The following RAB8A variants were observed in gnomAD, a reference collection of about 807,000 sequenced individuals.
RAB8A encodes the protein RAB8A, member RAS oncogene family.
Under a neutral mutation model 29.2 loss-of-function variants are expected in RAB8A, and 5 were observed. The ratio of observed to expected loss-of-function variants is 0.17; its 90% CI spans 0.09 to 0.36. The LOEUF (loss-of-function observed/expected upper bound fraction) is 0.36, where lower values mean the gene tolerates loss of function less well. Among genes scored for constraint, RAB8A ranks in the 10% least tolerant of loss-of-function variants. RAB8A has a pLI of 1.00. For synonymous variants in RAB8A, 108 were observed against 99.9 expected (o/e 1.08, Z -0.49); for missense variants, 171 against 272.2 (o/e 0.63, Z 2.62).
chr19:16,127,819 C>G lies in RAB8A; in HGVS notation c.415-207C>G. The G allele has an allele frequency of 4.7e-6, 3 of 636,124 alleles. No individual in the cohort carries two copies. Among genetic ancestry groups the G allele is most frequent in the Non-Finnish European group, 5.7e-6 (2 of 353,798 alleles). 39.4% of individuals were successfully genotyped at this position (636,124 alleles called of 1,614,324 possible). ...CCCCGCCACCCTCCCATCTCAGCTG[C>G]CATCCCCAGCAACTCCATGCCCTGT... is the stretch of plus-strand genomic sequence containing the variant. On this transcript the variant is annotated intron_variant, in intron 5 of 7. Transcript: ENST00000300935. This position sits in a 1 kb window ranked among gnomAD's most constrained non-coding sequence, Gnocchi z 4.8.
chr19:16,125,903 G>A lies in RAB8A; in HGVS notation c.324+356G>A, dbSNP rs2090898868. The A allele has an allele frequency of 2.5e-6, 1 of 398,238 alleles. No individual in the cohort carries two copies. The highest frequency in any genetic ancestry group is 2.1e-5 in the South Asian group (1 of 46,978). 24.7% of individuals were successfully genotyped at this position (398,238 alleles called of 1,614,324 possible). On this transcript the variant is annotated intron_variant, in intron 4 of 7. Transcript: ENST00000300935. This position sits in a 1 kb window ranked among gnomAD's most constrained non-coding sequence, Gnocchi z 5.0. ...ACAGGTGTGACCCTTGTAGTTGGAG[G>A]GTGTGGTGAGCAGGCGTCAGTTGTA...
At chr19:16,120,022 A>G (rs1438351782) in intron 2 of RAB8A, among the ~76,000 whole-genome samples, 2 of 152,124 alleles carry the variant, frequency 1.3e-5, no homozygotes, top group African/African-American at 2.4e-5. Context: ...CATGTTGGCC[A>G]GGTTGGCTTC....
chr19:16,125,638 CACAT>C lies in RAB8A; in HGVS notation c.324+95_324+98del, dbSNP rs1486519578. 1.5e-5 allele frequency: 18 copies of C among 1,219,806 alleles called. No individual in the cohort carries two copies. The highest frequency in any genetic ancestry group is 2.0e-5 in the Non-Finnish European group (17 of 841,974). 75.6% of individuals were successfully genotyped at this position (1,219,806 alleles called of 1,614,324 possible). A position where few individuals can be genotyped will look rare whatever the true frequency, so the allele number is the denominator to read the frequency against. On this transcript the variant is annotated intron_variant, in intron 4 of 7. Transcript: ENST00000300935. This position sits in a 1 kb window ranked among gnomAD's most constrained non-coding sequence, Gnocchi z 5.0. ...TCATGAGAAGGCCAAGGTGCAGAGA[CACAT>C]ACAGGCCACTTGCCCACAGCCTCCT...
At chr19:16,131,286 G>T (rs1301450588) in intron 7 of RAB8A, among the ~76,000 whole-genome samples, 1 of 152,198 alleles carries the variant, frequency 6.6e-6, no homozygotes, top group Non-Finnish European at 1.5e-5. Context: ...GTATATAGCA[G>T]ATGGAAAATA....
intron 1 of RAB8A, among the ~76,000 whole-genome samples, chr19:16,116,940 C>G (rs544033793): frequency 2.0e-5 from 3 of 151,920 alleles, no homozygotes; most frequent in East Asian, 1.9e-4. Flanking sequence ...CCCCATGTGC[C>G]CCCCCAGCCC....
In RAB8A at chr19:16,126,158, G is replaced by T. The variant is rs555572118; in HGVS notation, c.324+611G>T. The T allele has an allele frequency of 9.3e-4, 167 of 178,882 alleles. No individual in the cohort carries two copies. In the Middle Eastern group the frequency reaches 0.011, roughly 12 times the overall value. The allele number at this position is 178,882 out of a possible 1,614,324, so 11.1% of individuals were successfully genotyped here. The stretch of plus-strand genomic sequence containing the variant: ...GCTTCAGGTCTGAGGCACAGCCAGA[G>T]AACTTTTCCCATCTATAAAACCACA... On this transcript the variant is annotated intron_variant, in intron 4 of 7. Transcript: ENST00000300935.
rs555246660 is a variant in RAB8A, at chr19:16,116,815, A to G, written c.125-1411A>G. On this transcript the variant is annotated intron_variant, in intron 1 of 7. Coordinates refer to ENST00000300935, the MANE Select transcript of RAB8A (RefSeq NM_005370.5). ...GCACCACTGCACTCCAGGCTAGCCA[A>G]GATCGCACCACTGCACTCCAGGCTA... Among the ~76,000 whole-genome samples the G allele has an allele frequency of 4.6e-5, 7 of 151,802 alleles. No homozygotes were observed. In the South Asian group the frequency reaches 1.3e-3, roughly 27 times the overall value.
At position 16,128,100 on chromosome 19, in the gene RAB8A, C is replaced by T. The variant is rs370013796; in HGVS notation, c.480+9C>T. 3.4e-5 allele frequency: 55 copies of T among 1,613,538 alleles called. No individual in the cohort carries two copies. Among genetic ancestry groups the T allele is most frequent in the Non-Finnish European group, 3.6e-5 (42 of 1,179,612 alleles). On this transcript the variant is annotated intron_variant, in intron 6 of 7. Coordinates refer to ENST00000300935, the MANE Select transcript of RAB8A (RefSeq NM_005370.5). ...ACATCAATGTGGAAAATGTGAGTCCCGGGCCCTGCTGGGAGACATGGGGCC... is the reference window on the plus strand; with the variant it reads ...ACATCAATGTGGAAAATGTGAGTCCTGGGCCCTGCTGGGAGACATGGGGCC...
rs2090909305 is a variant in RAB8A at position 16,128,009 on chromosome 19, G to T, written c.415-17G>T. ...CGGCGGCTGGTGTGCTCATGCGTGT[G>T]CCTCCCTCTCTCACAGCTGGCCCTC... On this transcript the variant is annotated splice_polypyrimidine_tract_variant and intron_variant, in intron 5 of 7. Transcript: ENST00000300935. The T allele has an allele frequency of 6.2e-7, 1 of 1,613,834 alleles. No individual in the cohort carries two copies. The highest frequency in any genetic ancestry group is 1.1e-5 in the South Asian group (1 of 91,086).
rs546591257 is a variant in RAB8A, at chr19:16,120,313, ATT to A, written c.186-1419_186-1418del. On this transcript the variant is annotated intron_variant, in intron 2 of 7. Transcript: ENST00000300935. ...TCACCAATCAGTTAGGTCACCTTTAATTTTTTTTTTTTTTTTTTTGACAAAGT... is the reference window on the plus strand; with the variant it reads ...TCACCAATCAGTTAGGTCACCTTTAATTTTTTTTTTTTTTTTTGACAAAGT... 3.0e-3 allele frequency among the ~76,000 whole-genome samples: 395 copies of A among 130,434 alleles called. 1 individual carries two copies. Among genetic ancestry groups the A allele is most frequent in the African/African-American group, 0.01 (349 of 34,464 alleles). 85.6% of individuals were successfully genotyped at this position (130,434 alleles called of 152,430 possible).
rs541263399 is a variant in RAB8A, at chr19:16,115,531, T to G, written c.125-2695T>G. On this transcript the variant is annotated intron_variant, in intron 1 of 7. Transcript: ENST00000300935. The stretch of plus-strand genomic sequence containing the variant: ...GCGCCACTGCCTCCTCAGGGGCCCA[T>G]TGATTCCTCCAGTGAAAGGGTTGGC... 2.0e-5 allele frequency among the ~76,000 whole-genome samples: 3 copies of G among 152,312 alleles called. No individual in the cohort carries two copies. In the East Asian group the frequency reaches 5.8e-4, roughly 29 times the overall value.
At chr19:16,128,938 G>A (rs770242946) in intron 6 of RAB8A, among the ~76,000 whole-genome samples, 1 of 152,170 alleles carries the variant, frequency 6.6e-6, no homozygotes, top group Non-Finnish European at 1.5e-5. Context: ...TTGGGATCAC[G>A]CCTCCCGCCA....
At position 16,130,826 on chromosome 19, in the gene RAB8A, C is replaced by A. The variant is rs188101055; in HGVS notation, c.531+1222C>A. Reference sequence around the variant, plus strand: ...CCACCATGCCTGGCTAATTTTTTTTCTTTTTCTTTTTTTTTGAGAAGGAGT... The same window carrying A: ...CCACCATGCCTGGCTAATTTTTTTTATTTTTCTTTTTTTTTGAGAAGGAGT... On this transcript the variant is annotated intron_variant, in intron 7 of 7. Transcript: ENST00000300935. Among the ~76,000 whole-genome samples, 3 of 151,382 alleles carry A rather than the reference C, an allele frequency of 2.0e-5. No individual in the cohort carries two copies. The East Asian group carries it at 5.9e-4, about 30-fold the overall frequency.
Position 16,125,835 on chromosome 19 carries a change from C to A in RAB8A, c.324+288C>A, listed in dbSNP as rs1442243771. On this transcript the variant is annotated intron_variant, in intron 4 of 7. Transcript: ENST00000300935. The surrounding 1 kb of genome is among the most constrained non-coding windows in gnomAD (Gnocchi z 5.0). ...GAGAAAGGATATCCAAGCTTGTGGT[C>A]ACCATGAGTGTTGGGTGCTTTCTAG... 1 of 534,172 alleles carries A rather than the reference C, an allele frequency of 1.9e-6. No individual in the cohort carries two copies. The highest frequency in any genetic ancestry group is 3.5e-6 in the Non-Finnish European group (1 of 288,306). The allele number at this position is 534,172 out of a possible 1,614,324, so 33.1% of individuals were successfully genotyped here. A position where few individuals can be genotyped will look rare whatever the true frequency, so the allele number is the denominator to read the frequency against.
rs1174966271 is a variant in RAB8A at position 16,133,051 on chromosome 19, AAAC to A, written c.*751_*753del. 2.6e-5 allele frequency: 4 copies of A among 152,480 alleles called. No individual in the cohort carries two copies. The highest frequency in any genetic ancestry group is 4.4e-5 in the Non-Finnish European group (3 of 68,054). The allele number at this position is 152,480 out of a possible 1,614,324, so 9.4% of individuals were successfully genotyped here. On this transcript the variant is annotated 3_prime_UTR_variant, in exon 8 of 8. Transcript: ENST00000300935. Reference sequence around the variant, plus strand: ...CTGTGTGTGCTGCAAGTGACCCCGAAAACAACCACAGCCGTCACATGGTCCTCC... The same window carrying A: ...CTGTGTGTGCTGCAAGTGACCCCGAAAACCACAGCCGTCACATGGTCCTCC...
chr19:16,129,630 C>T (rs766228348), intron 7 of RAB8A, 26 bp downstream of exon 7: 1 of 1,610,386 alleles, frequency 6.2e-7, no homozygotes, highest in Admixed American at 1.7e-5. Context: ...TCCGAGATCC[C>T]CGGGTGGATC....
chr19:16,119,539 G>C (rs1210199055), intron 2 of RAB8A, among the ~76,000 whole-genome samples: 1 of 152,008 alleles, frequency 6.6e-6, no homozygotes, highest in Non-Finnish European at 1.5e-5. Flanking sequence ...TTTGGGAGTC[G>C]GGTAGGTTTA....
rs2090880705 is a variant in RAB8A, at chr19:16,122,757, C to T, written c.246+947C>T. On this transcript the variant is annotated intron_variant, in intron 3 of 7. Transcript: ENST00000300935. This position sits in a 1 kb window ranked among gnomAD's most constrained non-coding sequence, Gnocchi z 4.7. ...GGAGGCATTATGTGTTTAGAGCATCCCACACGGCATCCGAAACCTCATGGC... is the reference window on the plus strand; with the variant it reads ...GGAGGCATTATGTGTTTAGAGCATCTCACACGGCATCCGAAACCTCATGGC... Among the ~76,000 whole-genome samples, 1 of 152,110 alleles carries T rather than the reference C, an allele frequency of 6.6e-6. No individual in the cohort carries two copies. The highest frequency in any genetic ancestry group is 2.1e-4 in the South Asian group (1 of 4,824).
intron 1 of RAB8A, among the ~76,000 whole-genome samples, chr19:16,115,775 G>A (rs2090843573): frequency 6.6e-6 from 1 of 152,206 alleles, no homozygotes; most frequent in Non-Finnish European, 1.5e-5. Context: ...AGTCACTGGA[G>A]GTAATAGCAG....
Sources: gnomAD v4.1 joint callset for allele counts (sites outside exome capture counted in the v4.1 genomes callset) on GRCh38, gnomAD v4.1.1 for gene constraint, Gnocchi (gnomAD v3.1) non-coding constraint, MANE v1.5 for transcripts, NCBI Gene and HGNC (gene_info 2026-07-23, HGNC 2026-07-21) for gene names.